The following SLCO4C1 variants were observed in gnomAD, a reference collection of about 807,000 sequenced individuals.
SLCO4C1 encodes solute carrier organic anion transporter family member 4C1.
A neutral mutation model predicts 72.1 loss-of-function variants in SLCO4C1; 58 were observed. The observed-to-expected ratio is 0.80, with a 90% CI of 0.65 to 1.00. The LOEUF is 1.00. Among genes scored for constraint, SLCO4C1 ranks in the 50% least tolerant of loss-of-function variants. The probability of loss-of-function intolerance (pLI) is 0.00; values close to 1 mark genes in which losing one functional copy is unlikely to be tolerated. For missense variants in SLCO4C1, 898 were observed against 857.9 expected (o/e 1.05, Z -0.58); for synonymous variants, 297 against 312.5 (o/e 0.95, Z 0.52).
chr5:102,291,387 G>A lies in SLCO4C1; in HGVS notation c.575C>T (p.Pro192Leu). The A allele has an allele frequency of 6.2e-7, 1 of 1,614,012 alleles. No homozygotes were observed. The highest frequency in any genetic ancestry group is 2.2e-5 in the East Asian group (1 of 44,862). Reference protein sequence around the residue: ...IGLGALVFSLPQFFSGEYKLG... With the variant: ...IGLGALVFSLLQFFSGEYKLG... Reference sequence around the variant, plus strand: ...TTTATATTCTCCACTGAAAAATTGTGGCAATGAGAATACAAGTGCTCCCAG... The same window carrying A: ...TTTATATTCTCCACTGAAAAATTGTAGCAATGAGAATACAAGTGCTCCCAG... Residue 192 changes from proline (P) to leucine (L), a missense_variant, in exon 2 of 13, where the codon CCA (proline) becomes CTA (leucine). Pro to Leu is a moderately conservative substitution (Grantham distance 98). Coordinates refer to ENST00000310954, the MANE Select transcript of SLCO4C1 (RefSeq NM_180991.5).
chr5:102,268,724 CT>C (rs1483117244), intron 3 of SLCO4C1, among the ~76,000 whole-genome samples: 2 of 151,908 alleles, frequency 1.3e-5, no homozygotes, highest in Non-Finnish European at 2.9e-5. Flanking sequence ...CTTTCTTTTT[CT>C]TAAGTATCTT....
intron 10 of SLCO4C1, 85 bp downstream of exon 10, chr5:102,247,167 A>G: frequency 9.3e-7 from 1 of 1,073,226 alleles, no homozygotes; most frequent in Non-Finnish European, 1.3e-6. Flanking sequence ...AATGGTCAAT[A>G]TGAACCCCAA....
chr5:102,246,276 AAGG>A (rs1359632102), intron 10 of SLCO4C1, among the ~76,000 whole-genome samples: 24 of 152,094 alleles, frequency 1.6e-4, no homozygotes. Context: ...CTAAGAAAAA[AAGG>A]AGAAGATGCA....
chr5:102,278,740 TA>T (rs1749295199), intron 2 of SLCO4C1, among the ~76,000 whole-genome samples: 1 of 151,908 alleles, frequency 6.6e-6, no homozygotes, highest in African/African-American at 2.4e-5. Flanking sequence ...CACTTTCAAA[TA>T]ATCTATGGGT....
At chr5:102,278,856 A>C (rs1373822464) in intron 2 of SLCO4C1, among the ~76,000 whole-genome samples, 1 of 152,040 alleles carries the variant, frequency 6.6e-6, no homozygotes, top group Non-Finnish European at 1.5e-5. Context: ...TACTGAAAGA[A>C]AATTTTATAG....
In SLCO4C1 at chr5:102,257,316, A is replaced by G. The variant is rs1329148350; in HGVS notation, c.1274-6T>C. On this transcript the variant is annotated splice_region_variant and splice_polypyrimidine_tract_variant and intron_variant, in intron 7 of 12. Transcript: ENST00000310954. ...TCCAGGAATTAAAACAGCCCCTAAT[A>G]AGAAAAAAGAATGTAGATTGTGAGA... is the stretch of plus-strand genomic sequence containing the variant. The G allele has an allele frequency of 6.3e-7, 1 of 1,575,876 alleles. No homozygotes were observed. Among genetic ancestry groups the G allele is most frequent in the Non-Finnish European group, 8.6e-7 (1 of 1,166,266 alleles).
rs571659153 is a variant in SLCO4C1 at position 102,247,431 on chromosome 5, G to C, written c.1632C>G (p.Asn544Lys). Residue 544 changes from asparagine to lysine, a missense_variant, in exon 10 of 13, where the codon AAC becomes AAG. Physicochemically the swap from Asn to Lys is moderately conservative, Grantham distance 94. Transcript: ENST00000310954. The stretch of plus-strand genomic sequence containing the variant: ...CTGTTTTCCTTTCAATACAGGAACA[G>C]TTGTAATATACCTAAAAATATTAGA... The part of the protein sequence containing the change: ...VAHRKPKVYY[N>K]CSCIERKTEI... The C allele has an allele frequency of 1.3e-6, 2 of 1,539,864 alleles. No homozygotes were observed. The highest frequency in any genetic ancestry group is 2.7e-5 in the African/African-American group (2 of 72,816).
intron 12 of SLCO4C1, among the ~76,000 whole-genome samples, 172 bp downstream of exon 12, chr5:102,239,079 C>A (rs1356833295): frequency 6.6e-6 from 1 of 152,110 alleles, no homozygotes; most frequent in Non-Finnish European, 1.5e-5. Flanking sequence ...CTGTTCAAAG[C>A]CTTTCATAAC....
intron 3 of SLCO4C1, among the ~76,000 whole-genome samples, chr5:102,267,158 C>A (rs1054613339): frequency 3.9e-5 from 6 of 152,092 alleles, no homozygotes; most frequent in African/African-American, 9.7e-5. Flanking sequence ...AGGAAGAATT[C>A]TCTCCTCTTC....
chr5:102,281,375 A>G (rs995012923), intron 2 of SLCO4C1, among the ~76,000 whole-genome samples: 29 of 152,280 alleles, frequency 1.9e-4, no homozygotes, highest in Non-Finnish European at 1.8e-4. Context: ...TAGGGATCAG[A>G]GCTAGGCAAA....
At chr5:102,258,779 A>C (rs925940585) in intron 6 of SLCO4C1, among the ~76,000 whole-genome samples, 5 of 151,970 alleles carry the variant, frequency 3.3e-5, no homozygotes, top group Non-Finnish European at 7.4e-5. Context: ...ACACACACGG[A>C]GTCACAAAGG....
chr5:102,253,445 T>C (rs1012763416), intron 8 of SLCO4C1, among the ~76,000 whole-genome samples: 1 of 151,994 alleles, frequency 6.6e-6, no homozygotes, highest in Admixed American at 6.6e-5. Context: ...TGAGTACTTA[T>C]GGAATAAAGA....
At chr5:102,284,588 T>G (rs1226180307) in intron 2 of SLCO4C1, among the ~76,000 whole-genome samples, 1 of 152,040 alleles carries the variant, frequency 6.6e-6, no homozygotes, top group African/African-American at 2.4e-5. Context: ...ACAGAATGCA[T>G]TTGCTTTATA....
At position 102,240,755 on chromosome 5, in the gene SLCO4C1, TA is replaced by T; in HGVS notation, c.1838del (p.Leu613GlnfsTer13). 1 of 1,612,118 alleles carries T rather than the reference TA, an allele frequency of 6.2e-7. No individual in the cohort carries two copies. The highest frequency in any genetic ancestry group is 8.5e-7 in the Non-Finnish European group (1 of 1,178,764). ...LRCVNHRQRS[L>X]ALGIQFMVLR... Reference sequence around the variant, plus strand: ...GGACCATAAATTGTATTCCCAAGGCTAGGGACCGTTGTCTGTGATTAACACA... The same window carrying T: ...GGACCATAAATTGTATTCCCAAGGCTGGGACCGTTGTCTGTGATTAACACA... On this transcript the variant is annotated frameshift_variant, in exon 11 of 13. Coordinates refer to ENST00000310954, the MANE Select transcript of SLCO4C1 (RefSeq NM_180991.5). LOFTEE classifies it high-confidence loss of function.
At chr5:102,238,710 G>A (rs995336768) in intron 12 of SLCO4C1, among the ~76,000 whole-genome samples, 2 of 152,022 alleles carry the variant, frequency 1.3e-5, no homozygotes, top group African/African-American at 4.8e-5. Flanking sequence ...TAGATACATT[G>A]TTTTACTTAA....
At chr5:102,286,450 T>C (rs750256928) in intron 2 of SLCO4C1, among the ~76,000 whole-genome samples, 20 of 152,144 alleles carry the variant, frequency 1.3e-4, no homozygotes, top group Non-Finnish European at 2.6e-4. Context: ...AAATGTTACG[T>C]GGTAAAGATT....
chr5:102,284,275 T>C (rs1220262733), intron 2 of SLCO4C1, among the ~76,000 whole-genome samples: 4 of 152,136 alleles, frequency 2.6e-5, no homozygotes, highest in Admixed American at 2.6e-4. Context: ...GCTCTTAATA[T>C]ACCTCATCAA....
At chr5:102,240,371 T>C (rs1748515177) in intron 11 of SLCO4C1, among the ~76,000 whole-genome samples, 1 of 152,122 alleles carries the variant, frequency 6.6e-6, no homozygotes, top group Admixed American at 6.5e-5. Context: ...CATTTTAACA[T>C]CATTTTTAAT....
At chr5:102,288,904 T>A (rs1175885677) in intron 2 of SLCO4C1, among the ~76,000 whole-genome samples, 2 of 152,230 alleles carry the variant, frequency 1.3e-5, no homozygotes, top group Non-Finnish European at 2.9e-5. Context: ...TGTTCATTTG[T>A]TTATTAATTG....
Sources: allele counts gnomAD v4.1 joint callset (sites outside exome capture counted in the v4.1 genomes callset), GRCh38; gene constraint gnomAD v4.1.1; transcripts MANE v1.5; gene names NCBI Gene and HGNC (gene_info 2026-07-23, HGNC 2026-07-21).